The following RBM20 variants were observed in gnomAD, a reference collection of about 807,000 sequenced individuals.
RBM20 encodes RNA-binding protein 20.
A neutral mutation model predicts 110.1 loss-of-function variants in RBM20; 51 were observed. That is an observed-to-expected ratio of 0.46 (90% CI 0.37 to 0.59). RBM20 has a LOEUF of 0.59. Among genes scored for constraint, RBM20 ranks in the 20% least tolerant of loss-of-function variants. The pLI, the probability that RBM20 is intolerant of heterozygous loss-of-function variation, is 0.00. For missense variants in RBM20, 1,512 were observed against 1,574.9 expected (o/e 0.96, Z 0.68); for synonymous variants, 589 against 618.2 (o/e 0.95, Z 0.70).
At chr10:110,793,589 C>G (rs4918590) in intron 5 of RBM20, among the ~76,000 whole-genome samples, 151,201 of 152,374 alleles carry the variant, frequency 0.99, 75,024 homozygotes, top group Middle Eastern at 1. Flanking sequence ...AAACTGAAGC[C>G]AGATACAGAA....
chr10:110,825,497 A>G (rs1363813411), intron 12 of RBM20, among the ~76,000 whole-genome samples: 3 of 152,230 alleles, frequency 2.0e-5, no homozygotes, highest in African/African-American at 7.2e-5. Context: ...GTCTCTCCCC[A>G]GTCTCCAGAG....
intron 1 of RBM20, among the ~76,000 whole-genome samples, chr10:110,744,154 A>G (rs1843751742): frequency 6.6e-6 from 1 of 152,132 alleles, no homozygotes; most frequent in African/African-American, 2.4e-5. Context: ...TGCCTCAGAT[A>G]CCTCTCTATA....
At position 110,652,254 on chromosome 10, in the gene RBM20, A is replaced by ATG. The variant is rs1367013095; in HGVS notation, c.191+7613_191+7614dup. On this transcript the variant is annotated intron_variant, in intron 1 of 13. Coordinates refer to ENST00000369519, the MANE Select transcript of RBM20 (RefSeq NM_001134363.3). The stretch of plus-strand genomic sequence containing the variant: ...AGATCTCATGTTTGTTTTTGAAAAG[A>ATG]TGTGTATGAGTGTGTGCTGGTGCCT... Among the ~76,000 whole-genome samples, 4 of 152,310 alleles carry ATG rather than the reference A, an allele frequency of 2.6e-5. No individual in the cohort carries two copies. The East Asian group carries it at 5.8e-4, about 22-fold the overall frequency.
chr10:110,724,318 A>G (rs1267314136), intron 1 of RBM20, among the ~76,000 whole-genome samples: 3 of 152,220 alleles, frequency 2.0e-5, no homozygotes, highest in African/African-American at 7.2e-5. Flanking sequence ...ATCTGCTCCA[A>G]CAGGTTGCAG....
chr10:110,704,013 G>C, intron 1 of RBM20, among the ~76,000 whole-genome samples: 3 of 152,344 alleles, frequency 2.0e-5, no homozygotes, highest in Admixed American at 2.0e-4. Flanking sequence ...TCAGGAGGCT[G>C]AGGCAGGAGA....
chr10:110,828,636 A>T (rs1845011329), intron 12 of RBM20, among the ~76,000 whole-genome samples: 1 of 151,660 alleles, frequency 6.6e-6, no homozygotes, highest in Non-Finnish European at 1.5e-5. Context: ...AGGCAAAATG[A>T]TAGGTGATTC....
intron 9 of RBM20, among the ~76,000 whole-genome samples, chr10:110,813,702 G>A (rs1172285545): frequency 6.6e-6 from 1 of 152,042 alleles, no homozygotes; most frequent in Non-Finnish European, 1.5e-5. Flanking sequence ...AGGCAAGGTG[G>A]TGCACCCCTG....
Position 110,644,559 on chromosome 10 carries a change from C to T in RBM20, c.105C>T (p.Pro35=), listed in dbSNP as rs1463145512. The T allele has an allele frequency of 5.9e-6, 9 of 1,527,040 alleles. No individual in the cohort carries two copies. Among genetic ancestry groups the T allele is most frequent in the Middle Eastern group, 2.3e-4 (1 of 4,410 alleles). 94.6% of individuals were successfully genotyped at this position (1,527,040 alleles called of 1,614,324 possible). A position where few individuals can be genotyped will look rare whatever the true frequency, so the allele number is the denominator to read the frequency against. Residue 35 remains proline (P), a synonymous_variant, in exon 1 of 14, where the codon CCC becomes CCT. Coordinates refer to ENST00000369519, the MANE Select transcript of RBM20 (RefSeq NM_001134363.3). The surrounding 1 kb of genome is among the most constrained non-coding windows in gnomAD (Gnocchi z 4.3). Reference sequence around the variant, plus strand: ...CTGGTGCCCGGGCGTCCCCGGCACCCTCCGGCCCGCGAGGGATGCAGCAGC... The same window carrying T: ...CTGGTGCCCGGGCGTCCCCGGCACCTTCCGGCCCGCGAGGGATGCAGCAGC... The part of the protein sequence containing the change: ...SVPGARASPA[P]SGPRGMQQPP...
chr10:110,821,259 C>CT lies in RBM20; in HGVS notation c.2656-15dup. On this transcript the variant is annotated splice_polypyrimidine_tract_variant and intron_variant, in intron 10 of 13. Coordinates refer to ENST00000369519, the MANE Select transcript of RBM20 (RefSeq NM_001134363.3). ...TCTCAACCACCCTCTGACCTCCATT[C>CT]TGCATTTTTGTACAGGAACAAGATT... 1.9e-6 allele frequency: 3 copies of CT among 1,546,724 alleles called. No individual in the cohort carries two copies. The highest frequency in any genetic ancestry group is 2.6e-6 in the Non-Finnish European group (3 of 1,143,226).
intron 1 of RBM20, among the ~76,000 whole-genome samples, chr10:110,746,074 G>A (rs1003750395): frequency 2.0e-5 from 3 of 152,140 alleles, no homozygotes; most frequent in Non-Finnish European, 4.4e-5. Flanking sequence ...TCATCACCAC[G>A]TTTGGTAGCG....
At chr10:110,654,653 T>C (rs769818257) in intron 1 of RBM20, among the ~76,000 whole-genome samples, 56 of 152,150 alleles carry the variant, frequency 3.7e-4, no homozygotes, top group Non-Finnish European at 7.2e-4. Flanking sequence ...TTCATGTTTT[T>C]TAGATTTAAG....
At chr10:110,762,881 G>T (rs749955655) in intron 1 of RBM20, among the ~76,000 whole-genome samples, 12 of 152,192 alleles carry the variant, frequency 7.9e-5, no homozygotes, top group Admixed American at 1.3e-4. Context: ...GAGAGGAAGG[G>T]CCAAACCTGC....
intron 5 of RBM20, among the ~76,000 whole-genome samples, chr10:110,792,451 A>C (rs762059115): frequency 1.3e-5 from 2 of 152,200 alleles, no homozygotes; most frequent in Middle Eastern, 3.2e-3. Flanking sequence ...CCGTACATTC[A>C]CGGTGGCATT....
chr10:110,644,139 C>T (rs1350612362), upstream of RBM20, among the ~76,000 whole-genome samples: 1 of 152,160 alleles, frequency 6.6e-6, no homozygotes, highest in Non-Finnish European at 1.5e-5. The surrounding 1 kb of genome is among the most constrained non-coding windows in gnomAD (Gnocchi z 4.3). Context: ...CTCCCCGCTT[C>T]CTGCGCCCAG....
At chr10:110,651,859 G>T (rs955284904) in intron 1 of RBM20, among the ~76,000 whole-genome samples, 3 of 152,206 alleles carry the variant, frequency 2.0e-5, no homozygotes, top group African/African-American at 7.2e-5. Flanking sequence ...TGGGCGCTGT[G>T]GGGCCAGTGC....
chr10:110,734,650 G>A (rs999501375), intron 1 of RBM20, among the ~76,000 whole-genome samples: 10 of 127,452 alleles, frequency 7.8e-5, no homozygotes, highest in African/African-American at 2.8e-4. Flanking sequence ...AGTGTCCTTA[G>A]TATACCCAGA....
At chr10:110,790,461 A>G (rs1183527482) in intron 5 of RBM20, among the ~76,000 whole-genome samples, 1 of 152,242 alleles carries the variant, frequency 6.6e-6, no homozygotes, top group African/African-American at 2.4e-5. Flanking sequence ...TTCTTGTTGG[A>G]AAAGCAGTGT....
chr10:110,823,499 A>G lies in RBM20; in HGVS notation c.3336A>G (p.Glu1112=), dbSNP rs1264759117. Residue 1112 remains glutamate, a synonymous_variant, in exon 12 of 14, where the codon GAA becomes GAG. Transcript: ENST00000369519. Reference sequence around the variant, plus strand: ...TTGCAGAAAACTCCAGGTACGTGGAAATGAAATCTCTGGAGGTGAGGTCAC... The same window carrying G: ...TTGCAGAAAACTCCAGGTACGTGGAGATGAAATCTCTGGAGGTGAGGTCAC... ...VLTPENSRYV[E]MKSLEVRSPE... 3.3e-6 allele frequency: 5 copies of G among 1,537,554 alleles called. No individual in the cohort carries two copies. The East Asian group carries it at 1.2e-4, about 38-fold the overall frequency.
At chr10:110,742,803 A>C (rs545847645) in intron 1 of RBM20, among the ~76,000 whole-genome samples, 19 of 152,304 alleles carry the variant, frequency 1.2e-4, no homozygotes, top group African/African-American at 4.6e-4. Context: ...AAACCCCCAA[A>C]AGCTGCACAA....
Sources: gnomAD v4.1 joint callset for allele counts (sites outside exome capture counted in the v4.1 genomes callset) on GRCh38, gnomAD v4.1.1 for gene constraint, Gnocchi (gnomAD v3.1) non-coding constraint, MANE v1.5 for transcripts, NCBI Gene and HGNC (gene_info 2026-07-23, HGNC 2026-07-21) for gene names.